XRCC5: variants seen among roughly 807,000 people sequenced by gnomAD.
XRCC5 encodes the protein DNA repair protein Ku80.
A neutral mutation model predicts 95.7 loss-of-function variants in XRCC5; 12 were observed. That is an observed-to-expected ratio of 0.13 (90% CI 0.08 to 0.20). The LOEUF (loss-of-function observed/expected upper bound fraction) is 0.20. Ranked by LOEUF, XRCC5 falls within the 10% of genes least tolerant of loss-of-function variation. The pLI, the probability that XRCC5 is intolerant of heterozygous loss-of-function variation, is 1.00. For synonymous variants in XRCC5, 281 were observed against 290.3 expected (o/e 0.97, Z 0.33); for missense variants, 595 against 873.9 (o/e 0.68, Z 4.02).
chr2:216,118,813 C>T (rs1696748408), intron 4 of XRCC5, among the ~76,000 whole-genome samples: 1 of 152,120 alleles, frequency 6.6e-6, no homozygotes, highest in South Asian at 2.1e-4. Context: ...AATCCAGAAA[C>T]ATAACATTTC....
chr2:216,177,747 T>A (rs1689305502), intron 16 of XRCC5, among the ~76,000 whole-genome samples: 1 of 152,224 alleles, frequency 6.6e-6, no homozygotes, highest in African/African-American at 2.4e-5. Context: ...TGTCCCATTT[T>A]TGTCAAGCAT....
intron 14 of XRCC5, among the ~76,000 whole-genome samples, chr2:216,150,649 T>G (rs1224777372): frequency 6.6e-6 from 1 of 152,104 alleles, no homozygotes; most frequent in Non-Finnish European, 1.5e-5. Flanking sequence ...CTAGGGAGGC[T>G]GAGGTGGGCA....
chr2:216,197,669 G>T (rs1396037300), intron 19 of XRCC5, among the ~76,000 whole-genome samples: 1 of 152,146 alleles, frequency 6.6e-6, no homozygotes, highest in Non-Finnish European at 1.5e-5. Context: ...TGTCATGGCA[G>T]ATAAGAAGTT....
chr2:216,167,595 TGTGTGTGTGTGTGTGTG>T (rs1293483328), intron 16 of XRCC5, among the ~76,000 whole-genome samples: 1 of 148,284 alleles, frequency 6.7e-6, no homozygotes, highest in Non-Finnish European at 1.5e-5. Context: ...TGTGTGTGTG[TGTGTGTGTGTGTGTGTG>T]TGATTTTTTT....
chr2:216,111,174 T>C (rs147818980), intron 1 of XRCC5, among the ~76,000 whole-genome samples: 79 of 152,336 alleles, frequency 5.2e-4, no homozygotes, highest in Admixed American at 9.8e-4. Context: ...CTTCCATCTG[T>C]TGATCCCGTT....
At chr2:216,164,974 G>T (rs1458019846) in intron 16 of XRCC5, among the ~76,000 whole-genome samples, 2 of 152,152 alleles carry the variant, frequency 1.3e-5, no homozygotes, top group Admixed American at 1.3e-4. Flanking sequence ...TGGGATTGGG[G>T]ATTCAGAGCA....
In XRCC5 at chr2:216,119,067, T is replaced by C; in HGVS notation, c.393T>C (p.His131=). 6.2e-7 allele frequency: 1 copy of C among 1,614,066 alleles called. No homozygotes were observed. Among genetic ancestry groups the C allele is most frequent in the Non-Finnish European group, 8.5e-7 (1 of 1,179,938 alleles). The change falls in exon 5 of 21, where the codon CAT becomes CAC. Residue 131 remains histidine, a synonymous_variant. Transcript: ENST00000392132. ...ETIGKKFEKR[H]IEIFTDLSSR... ...GAGGAAAGAAGTTTGAGAAGAGGCA[T>C]ATTGAAATATTCACTGACCTCAGCA...
chr2:216,204,605 C>T (rs183772646), intron 20 of XRCC5, among the ~76,000 whole-genome samples: 2 of 152,220 alleles, frequency 1.3e-5, no homozygotes, highest in East Asian at 3.9e-4. Flanking sequence ...TTCATGGTGT[C>T]GGCTATATTG....
chr2:216,165,029 A>C (rs1382563747), intron 16 of XRCC5, among the ~76,000 whole-genome samples: 1 of 152,208 alleles, frequency 6.6e-6, no homozygotes, highest in Non-Finnish European at 1.5e-5. Context: ...GATAGCATGT[A>C]AGTTAACAAT....
chr2:216,173,874 A>C (rs1193082117), intron 16 of XRCC5, among the ~76,000 whole-genome samples: 1 of 152,218 alleles, frequency 6.6e-6, no homozygotes, highest in Non-Finnish European at 1.5e-5. Flanking sequence ...CCCAGCCTCC[A>C]GAACTGTGAG....
At chr2:216,116,384 C>T (rs1182890941) in intron 2 of XRCC5, among the ~76,000 whole-genome samples, 1 of 152,006 alleles carries the variant, frequency 6.6e-6, no homozygotes, top group Non-Finnish European at 1.5e-5. Flanking sequence ...AGTTTGATTT[C>T]GCTGGAAATC....
rs541724313 is a variant in XRCC5 at position 216,168,822 on chromosome 2, TATTATTATCCCC to T, written c.1834+6778_1834+6789del. ...TAGATCGCATATAAGTTACAGTAAGTATTATTATCCCCATTCTACTGATAGATAAACTAAAAT... is the reference window on the plus strand; with the variant it reads ...TAGATCGCATATAAGTTACAGTAAGTATTCTACTGATAGATAAACTAAAAT... On this transcript the variant is annotated intron_variant, in intron 16 of 20. Transcript: ENST00000392132. 1.5e-4 allele frequency among the ~76,000 whole-genome samples: 23 copies of T among 152,330 alleles called. No individual in the cohort carries two copies. The East Asian group carries it at 4.4e-3, about 29-fold the overall frequency.
chr2:216,165,897 A>T (rs958390283), intron 16 of XRCC5, among the ~76,000 whole-genome samples: 15 of 152,282 alleles, frequency 9.9e-5, no homozygotes, highest in African/African-American at 3.6e-4. Context: ...TGTCCCCGAC[A>T]TCAGCAGTCT....
intron 16 of XRCC5, among the ~76,000 whole-genome samples, chr2:216,168,577 G>A (rs896134099): frequency 3.3e-5 from 5 of 152,068 alleles, no homozygotes; most frequent in Non-Finnish European, 5.9e-5. Context: ...ATCTGTATCA[G>A]AATATCCCTA....
chr2:216,111,367 T>G (rs929920832), intron 1 of XRCC5: 1 of 448,936 alleles, frequency 2.2e-6, no homozygotes, highest in African/African-American at 2.0e-5. Flanking sequence ...ACAAAAAAAA[T>G]TTAAGAATTA....
At chr2:216,137,021 T>G in intron 10 of XRCC5, 67 bp from the exon 11 acceptor site, 12 of 1,544,388 alleles carry the variant, frequency 7.8e-6, no homozygotes, top group Non-Finnish European at 1.0e-5. Flanking sequence ...AGTCTTAAAG[T>G]ATTGAGTTCT....
intron 16 of XRCC5, among the ~76,000 whole-genome samples, chr2:216,186,402 T>A (rs569331253): frequency 6.6e-6 from 1 of 152,212 alleles, no homozygotes; most frequent in African/African-American, 2.4e-5. Context: ...ACTTCGCCAT[T>A]TTCCTCTTCT....
intron 8 of XRCC5, chr2:216,130,571 C>G (rs1217147306): frequency 4.6e-6 from 1 of 217,442 alleles, no homozygotes; most frequent in Non-Finnish European, 8.9e-6. Flanking sequence ...ATAACTAGTA[C>G]GTTAACATTT....
chr2:216,194,155 A>G (rs1689672990), intron 18 of XRCC5, among the ~76,000 whole-genome samples: 1 of 152,248 alleles, frequency 6.6e-6, no homozygotes, highest in South Asian at 2.1e-4. Flanking sequence ...TTCTACAGTA[A>G]GTCCTCTCTT....
Sources: gnomAD v4.1 joint callset for allele counts (sites outside exome capture counted in the v4.1 genomes callset) on GRCh38, gnomAD v4.1.1 for gene constraint, MANE v1.5 for transcripts, NCBI Gene and HGNC (gene_info 2026-07-23, HGNC 2026-07-21) for gene names.